SLC7A5: variants seen among roughly 807,000 people sequenced by gnomAD.
SLC7A5 encodes the protein large neutral amino acids transporter small subunit 1.
In SLC7A5, 23 loss-of-function variants were observed where a neutral mutation model predicts 50.2. That is an observed-to-expected ratio of 0.46 (90% confidence interval 0.33 to 0.65). The LOEUF (loss-of-function observed/expected upper bound fraction) is 0.65, where lower values mean the gene tolerates loss of function less well. Among genes scored for constraint, SLC7A5 ranks in the 30% least tolerant of loss-of-function variants. The pLI is 0.02. For synonymous variants in SLC7A5, 393 were observed against 330.6 expected (o/e 1.19, Z -2.05); for missense variants, 578 against 684.4 (o/e 0.84, Z 1.73).
In SLC7A5 at chr16:87,840,436, G is replaced by T; in HGVS notation, c.808C>A (p.Pro270Thr). The stretch of plus-strand genomic sequence containing the variant: ...ATCCATTCTTGCACGTACCTGTAGG[G>T]GTTGATCATTTCCTCTGTGACGAAA... ...LNFVTEEMIN[P>T]YRNLPLAIII... Residue 270 changes from proline (P) to threonine (T), a missense_variant, in exon 4 of 10, where the codon CCC (proline) becomes ACC (threonine). Coordinates refer to ENST00000261622, the MANE Select transcript of SLC7A5 (RefSeq NM_003486.7). The T allele has an allele frequency of 6.2e-7, 1 of 1,611,952 alleles. No homozygotes were observed. The highest frequency in any genetic ancestry group is 8.5e-7 in the Non-Finnish European group (1 of 1,178,016).
Position 87,844,428 on chromosome 16 carries a change from C to T in SLC7A5, c.665-3273G>A, listed in dbSNP as rs746418867. ...GATCCCTGAGTCAGGCAGATGCGGC[C>T]ATGGGAACCATCCACCCCGAGGCTG... On this transcript the variant is annotated intron_variant, in intron 2 of 9. Transcript: ENST00000261622. 6.4e-4 allele frequency among the ~76,000 whole-genome samples: 98 copies of T among 152,192 alleles called. 1 individual carries two copies. Among genetic ancestry groups the T allele is most frequent in the East Asian group, 5.8e-4 (3 of 5,176 alleles).
In SLC7A5 at chr16:87,833,248, G is replaced by A. The variant is rs548138277; in HGVS notation, c.1469-223C>T. On this transcript the variant is annotated intron_variant, in intron 9 of 9. Transcript: ENST00000261622. The surrounding 1 kb of genome is among the most constrained non-coding windows in gnomAD (Gnocchi z 6.0). ...AATGCGGAAGTGCCACATCCCACTC[G>A]GCCCACCCCTCGCCTGCTTCAGAAC... 1.3e-5 allele frequency among the ~76,000 whole-genome samples: 2 copies of A among 152,348 alleles called. No homozygotes were observed. Among genetic ancestry groups the A allele is most frequent in the African/African-American group, 4.8e-5 (2 of 41,582 alleles).
rs756592173 is a variant in SLC7A5 at position 87,851,710 on chromosome 16, G to T, written c.664+14C>A. ...CTCGAGGGGCCGCCGGTGGGGCCTG[G>T]GGGACGTACTCACCCTTCCCGATCT... On this transcript the variant is annotated intron_variant, in intron 2 of 9. Coordinates refer to ENST00000261622, the MANE Select transcript of SLC7A5 (RefSeq NM_003486.7). 1.2e-6 allele frequency: 2 copies of T among 1,608,166 alleles called. No homozygotes were observed. The highest frequency in any genetic ancestry group is 1.1e-5 in the South Asian group (1 of 90,952).
intron 1 of SLC7A5, among the ~76,000 whole-genome samples, chr16:87,865,732 T>A (rs115307390): frequency 0.019 from 2,887 of 152,146 alleles, 84 homozygotes; most frequent in African/African-American, 0.066. Context: ...AAAATAAATT[T>A]AAAAAATACT....
At chr16:87,863,905 A>G (rs2055427580) in intron 1 of SLC7A5, among the ~76,000 whole-genome samples, 1 of 149,682 alleles carries the variant, frequency 6.7e-6, no homozygotes, top group Non-Finnish European at 1.5e-5. Flanking sequence ...GATCAGGCTC[A>G]AGGAATAAGG....
chr16:87,835,338 G>A (rs771034629), intron 8 of SLC7A5, among the ~76,000 whole-genome samples: 2 of 152,240 alleles, frequency 1.3e-5, no homozygotes, highest in Non-Finnish European at 2.9e-5. Context: ...AGCCCCCGCT[G>A]TGCGCAGTGA....
intron 3 of SLC7A5, among the ~76,000 whole-genome samples, 194 bp from the exon 4 acceptor site, chr16:87,840,667 C>T (rs962486176): frequency 1.3e-5 from 2 of 152,166 alleles, no homozygotes. Flanking sequence ...CCCTTCCAGG[C>T]CCTCCCGCAC....
chr16:87,830,375 T>G lies in SLC7A5; in HGVS notation c.*2595A>C, dbSNP rs1271215327. ...AACGACTGAAAATGCACTTGCTTGT[T>G]GTGGTGGGTTGTGCTTGAAAACACC... On this transcript the variant is annotated 3_prime_UTR_variant, in exon 10 of 10. Transcript: ENST00000261622. 1 of 152,272 alleles carries G rather than the reference T, an allele frequency of 6.6e-6. No homozygotes were observed. Among genetic ancestry groups the G allele is most frequent in the Admixed American group, 6.5e-5 (1 of 15,288 alleles). The allele number at this position is 152,272 out of a possible 1,614,324, so 9.4% of individuals were successfully genotyped here.
intron 1 of SLC7A5, 66 bp from the exon 2 acceptor site, chr16:87,851,915 G>T (rs2055230764): frequency 1.2e-6 from 2 of 1,602,656 alleles, no homozygotes; most frequent in Non-Finnish European, 8.5e-7. Context: ...GGTAGGCTGG[G>T]AGGTGACGAC....
chr16:87,857,189 G>A (rs1159101835), intron 1 of SLC7A5, among the ~76,000 whole-genome samples: 10 of 152,030 alleles, frequency 6.6e-5, no homozygotes. Context: ...GGAAAATGAA[G>A]CAGTTCCGGG....
At position 87,836,507 on chromosome 16, in the gene SLC7A5, C is replaced by T. The variant is rs1385371880; in HGVS notation, c.1281G>A (p.Arg427=). 1.9e-6 allele frequency: 3 copies of T among 1,611,298 alleles called. No homozygotes were observed. The highest frequency in any genetic ancestry group is 2.2e-5 in the South Asian group (2 of 91,080). ...GAGGCCCCGGGCTCACCTTGATGGG[C>T]CGCTCAAGCTCAGGCTTTCTGTGGC... is the stretch of plus-strand genomic sequence containing the variant. The part of the protein sequence containing the change: ...WLRHRKPELE[R]PIKVNLALPV... Residue 427 remains arginine (R), a synonymous_variant, in exon 8 of 10, where the codon CGG becomes CGA. Transcript: ENST00000261622.
intron 2 of SLC7A5, among the ~76,000 whole-genome samples, chr16:87,844,154 C>T (rs1157668441): frequency 1.3e-5 from 2 of 150,754 alleles, no homozygotes; most frequent in Non-Finnish European, 2.9e-5. Flanking sequence ...ACAGACTCAG[C>T]GCAGAGCCTG....
Position 87,837,586 on chromosome 16 carries a change from C to T in SLC7A5, c.1140+259G>A. ...GCAGTGAGCCAGGCGGCTGGCAGAGCAGCACCCCGGGTCAGCTTCTGCCTC... is the reference window on the plus strand; with the variant it reads ...GCAGTGAGCCAGGCGGCTGGCAGAGTAGCACCCCGGGTCAGCTTCTGCCTC... On this transcript the variant is annotated intron_variant, in intron 7 of 9. Transcript: ENST00000261622. The T allele has an allele frequency of 1.0e-5, 5 of 492,568 alleles. 1 individual carries two copies. Among genetic ancestry groups the T allele is most frequent in the South Asian group, 9.7e-5 (4 of 41,278 alleles). 30.5% of individuals were successfully genotyped at this position (492,568 alleles called of 1,614,324 possible). A position where few individuals can be genotyped will look rare whatever the true frequency, so the allele number is the denominator to read the frequency against.
At chr16:87,838,877 T>G in intron 5 of SLC7A5, 60 bp from the exon 6 acceptor site, 1 of 1,259,780 alleles carries the variant, frequency 7.9e-7, no homozygotes, top group Non-Finnish European at 1.2e-6. Context: ...CTCCCTGTGC[T>G]CACTGGGAGC....
rs1418616357 is a variant in SLC7A5, at chr16:87,860,771, C to T, written c.538+8114G>A. Among the ~76,000 whole-genome samples the T allele has an allele frequency of 3.9e-5, 6 of 152,318 alleles. No homozygotes were observed. In the East Asian group the frequency reaches 9.7e-4, roughly 25 times the overall value. On this transcript the variant is annotated intron_variant, in intron 1 of 9. Coordinates refer to ENST00000261622, the MANE Select transcript of SLC7A5 (RefSeq NM_003486.7). This position sits in a 1 kb window ranked among gnomAD's most constrained non-coding sequence, Gnocchi z 4.8. ...GCAGGGATCGAGTTTGCGGGCGTCA[C>T]GCTCCAAGGCCCAGAATAGGAGGTC...
Position 87,860,679 on chromosome 16 carries a change from A to T in SLC7A5, c.538+8206T>A, listed in dbSNP as rs2143822916. 6.6e-6 allele frequency among the ~76,000 whole-genome samples: 1 copy of T among 152,296 alleles called. No individual in the cohort carries two copies. The highest frequency in any genetic ancestry group is 1.5e-5 in the Non-Finnish European group (1 of 68,026). On this transcript the variant is annotated intron_variant, in intron 1 of 9. Transcript: ENST00000261622. This position sits in a 1 kb window ranked among gnomAD's most constrained non-coding sequence, Gnocchi z 4.8. ...ACAGAGTCTGGCTTTCTCGTTAACAAGCAGCTCACACATACAGTGTCTCAG... is the reference window on the plus strand; with the variant it reads ...ACAGAGTCTGGCTTTCTCGTTAACATGCAGCTCACACATACAGTGTCTCAG...
chr16:87,843,247 A>G (rs963757948), intron 2 of SLC7A5, among the ~76,000 whole-genome samples: 7 of 151,620 alleles, frequency 4.6e-5, no homozygotes, highest in Admixed American at 6.6e-5. Flanking sequence ...GATCCTACAC[A>G]GAGGGTGGCT....
intron 1 of SLC7A5, among the ~76,000 whole-genome samples, chr16:87,858,715 A>G (rs1414261127): frequency 1.3e-5 from 2 of 152,160 alleles, no homozygotes; most frequent in African/African-American, 4.8e-5. Context: ...AAAGAGAAGC[A>G]CCAAGTCCAC....
chr16:87,838,445 C>T (rs1429892836), intron 6 of SLC7A5, among the ~76,000 whole-genome samples: 1 of 152,148 alleles, frequency 6.6e-6, no homozygotes, highest in Non-Finnish European at 1.5e-5. Context: ...GCACGTGCCA[C>T]CACGCCTGGC....
Sources: allele counts gnomAD v4.1 joint callset (sites outside exome capture counted in the v4.1 genomes callset), GRCh38; gene constraint gnomAD v4.1.1; non-coding constraint Gnocchi (gnomAD v3.1); transcripts MANE v1.5; gene names NCBI Gene and HGNC (gene_info 2026-07-23, HGNC 2026-07-21).